Variants in TENM2 observed in about 807,000 individuals in gnomAD.
The protein encoded by TENM2 is teneurin transmembrane protein 2.
TENM2 carries 52 observed loss-of-function variants against 245.2 expected under a neutral mutation model. That is an observed-to-expected ratio of 0.21 (90% CI 0.17 to 0.27). The LOEUF (loss-of-function observed/expected upper bound fraction) is 0.27. TENM2 is among the 10% of genes least tolerant of loss of function. The pLI is 1.00. For synonymous variants in TENM2, 1,363 were observed against 1,438.9 expected (o/e 0.95, Z 1.19); for missense variants, 3,046 against 3,666.8 (o/e 0.83, Z 4.37).
At chr5:167,700,383 A>G (rs1465692252) in intron 2 of TENM2, among the ~76,000 whole-genome samples, 1 of 152,174 alleles carries the variant, frequency 6.6e-6, no homozygotes, top group Non-Finnish European at 1.5e-5. Flanking sequence ...AATCCCCACA[A>G]CCCTTGGGCA....
At chr5:167,981,583 A>G (rs1782838860) in intron 4 of TENM2, among the ~76,000 whole-genome samples, 1 of 152,216 alleles carries the variant, frequency 6.6e-6, no homozygotes, top group African/African-American at 2.4e-5. Context: ...TGAATTCCCC[A>G]TGAGTCTCTC....
intron 2 of TENM2, among the ~76,000 whole-genome samples, chr5:167,818,148 T>G (rs111301367): frequency 0.016 from 2,424 of 152,298 alleles, 28 homozygotes; most frequent in Non-Finnish European, 0.025. Flanking sequence ...CTATGGAATC[T>G]CCTTTTTAAA....
the TENM2 span, among the ~76,000 whole-genome samples, chr5:167,244,868 C>G: frequency 6.6e-6 from 1 of 151,838 alleles, no homozygotes; most frequent in African/African-American, 2.4e-5. Flanking sequence ...GTTGGACAGC[C>G]TGTGGTATTT....
intron 3 of TENM2, among the ~76,000 whole-genome samples, chr5:167,898,429 G>A (rs1257853101): frequency 6.6e-6 from 1 of 152,056 alleles, no homozygotes; most frequent in Non-Finnish European, 1.5e-5. Context: ...GCTTAAATTG[G>A]CAGCCTAGGC....
chr5:167,334,707 G>A (rs931606246), intron 1 of TENM2, among the ~76,000 whole-genome samples: 2 of 152,058 alleles, frequency 1.3e-5, no homozygotes, highest in African/African-American at 2.4e-5. Context: ...CATGAACTCC[G>A]TTACAACATA....
chr5:167,768,081 C>T (rs569953330), intron 2 of TENM2, among the ~76,000 whole-genome samples: 5 of 152,282 alleles, frequency 3.3e-5, no homozygotes, highest in South Asian at 2.1e-4. Flanking sequence ...TAGTAATGCG[C>T]GTCTTCCATT....
At chr5:167,839,883 T>TTA (rs1769337828) in intron 2 of TENM2, among the ~76,000 whole-genome samples, 1 of 152,200 alleles carries the variant, frequency 6.6e-6, no homozygotes, top group African/African-American at 2.4e-5. Flanking sequence ...AGTGGCACGG[T>TTA]CTTGGCTCAC....
intron 2 of TENM2, among the ~76,000 whole-genome samples, chr5:167,458,044 C>G (rs1766027244): frequency 6.6e-6 from 1 of 152,020 alleles, no homozygotes; most frequent in Non-Finnish European, 1.5e-5. Context: ...GGTGATATAG[C>G]TAGTTTTTCA....
chr5:167,020,082 C>T, the TENM2 span, among the ~76,000 whole-genome samples: 1 of 152,084 alleles, frequency 6.6e-6, no homozygotes, highest in East Asian at 1.9e-4. Context: ...AAATACTCAC[C>T]TAGTATTAAA....
intron 7 of TENM2, among the ~76,000 whole-genome samples, chr5:168,065,436 CT>C (rs1299827204): frequency 1.3e-5 from 2 of 152,172 alleles, no homozygotes; most frequent in Admixed American, 1.3e-4. Context: ...GTTTCCTTTT[CT>C]ACCTATGTAA....
chr5:167,067,968 T>C, the TENM2 span, among the ~76,000 whole-genome samples: 1 of 152,226 alleles, frequency 6.6e-6, no homozygotes, highest in Non-Finnish European at 1.5e-5. Flanking sequence ...ATCTTCCTCC[T>C]TCCTCTGGAG....
chr5:167,501,429 A>G (rs1769205666), intron 2 of TENM2, among the ~76,000 whole-genome samples: 1 of 152,142 alleles, frequency 6.6e-6, no homozygotes. Context: ...ACCCAACAAG[A>G]CACATATTTT....
chr5:168,088,366 T>C (rs1792639278), intron 7 of TENM2: 1 of 152,210 alleles, frequency 6.6e-6, no homozygotes, highest in African/African-American at 2.4e-5. Flanking sequence ...GTTTGTCATA[T>C]CACTTTAAAT....
At chr5:167,008,418 C>T in the TENM2 span, among the ~76,000 whole-genome samples, 2 of 152,146 alleles carry the variant, frequency 1.3e-5, no homozygotes, top group Non-Finnish European at 2.9e-5. Flanking sequence ...TGCCTGTTTT[C>T]CTACACTCTT....
At chr5:167,718,383 A>T (rs1202168908) in intron 2 of TENM2, among the ~76,000 whole-genome samples, 1 of 152,082 alleles carries the variant, frequency 6.6e-6, no homozygotes, top group East Asian at 1.9e-4. Flanking sequence ...AGGGCAAGTT[A>T]CAACTTCCCT....
chr5:167,660,655 T>G, intron 2 of TENM2, among the ~76,000 whole-genome samples: 1 of 152,062 alleles, frequency 6.6e-6, no homozygotes, highest in East Asian at 1.9e-4. Context: ...TTTTTCAAAC[T>G]TTTTGCTGAC....
At chr5:168,050,973 C>T (rs1214219056) in intron 6 of TENM2, among the ~76,000 whole-genome samples, 1 of 152,160 alleles carries the variant, frequency 6.6e-6, no homozygotes, top group Non-Finnish European at 1.5e-5. Context: ...AAGGAATGAA[C>T]TCATACATCT....
At chr5:167,534,733 G>A (rs115978006) in intron 2 of TENM2, among the ~76,000 whole-genome samples, 181 of 152,256 alleles carry the variant, frequency 1.2e-3, no homozygotes, top group African/African-American at 4.2e-3. Flanking sequence ...GGAGAGGACA[G>A]CTGTGATGGC....
At chr5:167,077,323 T>C in the TENM2 span, among the ~76,000 whole-genome samples, 1 of 151,896 alleles carries the variant, frequency 6.6e-6, no homozygotes, top group Non-Finnish European at 1.5e-5. Flanking sequence ...TCATATACCA[T>C]TTTTAAACTT....
Sources: allele counts gnomAD v4.1 joint callset (sites outside exome capture counted in the v4.1 genomes callset), GRCh38; gene constraint gnomAD v4.1.1; transcripts MANE v1.5; gene names NCBI Gene and HGNC (gene_info 2026-07-23, HGNC 2026-07-21).